ZMYND8: variants seen among roughly 807,000 people sequenced by gnomAD.
The protein encoded by ZMYND8 is zinc finger MYND-type containing 8, also known as MYND-type zinc finger-containing chromatin reader ZMYND8.
Under a neutral mutation model 140.8 loss-of-function variants are expected in ZMYND8, and 37 were observed. The observed-to-expected ratio is 0.26, with a 90% CI of 0.20 to 0.35. The LOEUF is 0.35. ZMYND8 is among the 10% of genes least tolerant of loss of function. The pLI is 1.00. For missense variants in ZMYND8, 1,068 were observed against 1,570.0 expected (o/e 0.68, Z 5.40); for synonymous variants, 592 against 597.1 (o/e 0.99, Z 0.12).
intron 12 of ZMYND8, among the ~76,000 whole-genome samples, chr20:47,252,002 GAAAA>G (rs2074224136): frequency 1.3e-5 from 2 of 151,746 alleles, no homozygotes; most frequent in Non-Finnish European, 2.9e-5. Context: ...AAGAAAGAAA[GAAAA>G]GAGAAATGCC....
At position 47,283,648 on chromosome 20, in the gene ZMYND8, T is replaced by C; in HGVS notation, c.805A>G (p.Met269Val). The stretch of plus-strand genomic sequence containing the variant: ...TCTGGACATACTTCGATTTCATTCA[T>C]CTGTAAAGCAAAAATACATTAGAAT... ...KVVIKICEHE[M>V]NEIEVCPECY... The change falls in exon 9 of 23, where the codon ATG becomes GTG. Residue 269 changes from methionine (M) to valine (V), a missense_variant and splice_region_variant. This residue lies in a region of ZMYND8 where 109 missense variants were observed against 314.9 expected (regional missense o/e 0.35). Coordinates refer to ENST00000471951, the MANE Select transcript of ZMYND8 (RefSeq NM_001281775.3). 1.2e-6 allele frequency: 2 copies of C among 1,613,914 alleles called. No homozygotes were observed. Among genetic ancestry groups the C allele is most frequent in the Non-Finnish European group, 1.7e-6 (2 of 1,179,938 alleles).
At position 47,236,353 on chromosome 20, in the gene ZMYND8, G is replaced by A. The variant is rs149945102; in HGVS notation, c.2829C>T (p.Ala943=). Reference sequence around the variant, plus strand: ...TGCTAGTGTACTTGGCAATATCAGCGGCGACATCAGCTGAGGCAGTGGCGA... The same window carrying A: ...TGCTAGTGTACTTGGCAATATCAGCAGCGACATCAGCTGAGGCAGTGGCGA... ...LPIATASADV[A]ADIAKYTSKM... The change falls in exon 16 of 23, where the codon GCC becomes GCT. Residue 943 remains alanine, a synonymous_variant. Coordinates refer to ENST00000471951, the MANE Select transcript of ZMYND8 (RefSeq NM_001281775.3). 1.5e-5 allele frequency: 24 copies of A among 1,614,152 alleles called. No homozygotes were observed. Among genetic ancestry groups the A allele is most frequent in the Admixed American group, 3.3e-5 (2 of 60,022 alleles).
At chr20:47,288,807 A>G (rs1244361259) in intron 7 of ZMYND8, among the ~76,000 whole-genome samples, 1 of 152,190 alleles carries the variant, frequency 6.6e-6, no homozygotes, top group Non-Finnish European at 1.5e-5. Flanking sequence ...TCTTTCCTTA[A>G]ACACTAGCAA....
intron 10 of ZMYND8, among the ~76,000 whole-genome samples, chr20:47,277,670 T>G (rs1313237295): frequency 6.6e-6 from 1 of 151,548 alleles, no homozygotes; most frequent in Non-Finnish European, 1.5e-5. Flanking sequence ...TTTATTTATT[T>G]ATTTATTTAT....
At chr20:47,264,143 T>C (rs866566353) in intron 11 of ZMYND8, among the ~76,000 whole-genome samples, 1 of 152,026 alleles carries the variant, frequency 6.6e-6, no homozygotes, top group African/African-American at 2.4e-5. Flanking sequence ...AGGGATGGAG[T>C]AGGCATGCAG....
At chr20:47,239,451 C>G (rs2039673458) in intron 14 of ZMYND8, among the ~76,000 whole-genome samples, 1 of 152,228 alleles carries the variant, frequency 6.6e-6, no homozygotes, top group Non-Finnish European at 1.5e-5. Flanking sequence ...CTCCCCTACA[C>G]CTAGTGGACA....
intron 3 of ZMYND8, among the ~76,000 whole-genome samples, chr20:47,301,883 G>C (rs1052156049): frequency 6.6e-6 from 1 of 152,104 alleles, no homozygotes; most frequent in African/African-American, 2.4e-5. Flanking sequence ...GGAGGTAATT[G>C]AATCATGGAA....
At chr20:47,216,662 C>T (rs1388289546) in intron 21 of ZMYND8, among the ~76,000 whole-genome samples, 2 of 148,926 alleles carry the variant, frequency 1.3e-5, no homozygotes, top group Non-Finnish European at 3.0e-5. Context: ...ACAAAATTAG[C>T]TGGGTGTGGT....
intron 1 of ZMYND8, chr20:47,353,916 A>C (rs2083000829): frequency 2.6e-5 from 4 of 152,118 alleles, no homozygotes; most frequent in Admixed American, 2.6e-4. Context: ...AAATTTCCAG[A>C]AGGCCCGTTC....
rs116230765 is a variant in ZMYND8 at position 47,235,018 on chromosome 20, A to T, written c.2856+1308T>A. Among the ~76,000 whole-genome samples, 731 of 152,194 alleles carry T rather than the reference A, an allele frequency of 4.8e-3. 8 individuals carry two copies. Among genetic ancestry groups the T allele is most frequent in the African/African-American group, 0.017 (703 of 41,520 alleles). On this transcript the variant is annotated intron_variant, in intron 16 of 22. Coordinates refer to ENST00000471951, the MANE Select transcript of ZMYND8 (RefSeq NM_001281775.3). Reference sequence around the variant, plus strand: ...ATTCTAGAAACAACCATCCTCAATTATTTTCATCCATTCTAAAAACTAGAA... The same window carrying T: ...ATTCTAGAAACAACCATCCTCAATTTTTTTCATCCATTCTAAAAACTAGAA...
Position 47,220,414 on chromosome 20 carries a change from T to C in ZMYND8, c.3418-90A>G, listed in dbSNP as rs907532920. The C allele has an allele frequency of 9.6e-6, 10 of 1,042,976 alleles. No homozygotes were observed. In the African/African-American group the frequency reaches 1.3e-4, roughly 13 times the overall value. The allele number at this position is 1,042,976 out of a possible 1,614,324, so 64.6% of individuals were successfully genotyped here. A position where few individuals can be genotyped will look rare whatever the true frequency, so the allele number is the denominator to read the frequency against. On this transcript the variant is annotated intron_variant, in intron 20 of 22. Coordinates refer to ENST00000471951, the MANE Select transcript of ZMYND8 (RefSeq NM_001281775.3). ...ATCCAGGGAGTCATGGGGGTGCTCA[T>C]CGCTGCCCCCAAAGCATCTCAGTGT...
At chr20:47,255,609 T>C (rs201392479) in intron 12 of ZMYND8, among the ~76,000 whole-genome samples, 1,854 of 131,208 alleles carry the variant, frequency 0.014, 73 homozygotes, top group African/African-American at 0.051. Context: ...TATATATATA[T>C]ACACACCATA....
intron 20 of ZMYND8, among the ~76,000 whole-genome samples, chr20:47,221,100 G>A (rs953790084): frequency 2.0e-5 from 3 of 152,142 alleles, no homozygotes; most frequent in Admixed American, 2.0e-4. Flanking sequence ...TCTACACTTT[G>A]AGGGTCCCCA....
intron 21 of ZMYND8, among the ~76,000 whole-genome samples, chr20:47,219,985 C>G (rs1455160754): frequency 6.6e-6 from 1 of 152,066 alleles, no homozygotes; most frequent in African/African-American, 2.4e-5. Flanking sequence ...CTACCCTACC[C>G]CAGGTCAGCA....
chr20:47,294,846 T>C (rs1175707783), intron 4 of ZMYND8, 67 bp from the exon 5 acceptor site: 3 of 1,444,130 alleles, frequency 2.1e-6, no homozygotes, highest in Non-Finnish European at 1.9e-6. Flanking sequence ...TGTACTGATT[T>C]CTATTTTTTC....
At position 47,249,578 on chromosome 20, in the gene ZMYND8, A is replaced by G. The variant is rs553145434; in HGVS notation, c.1622-139T>C. On this transcript the variant is annotated intron_variant, in intron 12 of 22. Transcript: ENST00000471951. The stretch of plus-strand genomic sequence containing the variant: ...GATACTTTTTTTGTCATTCATCCCA[A>G]CAATATCATCTGCTCAACCAAATGG... The G allele has an allele frequency of 6.7e-6, 8 of 1,200,052 alleles. No homozygotes were observed. In the African/African-American group the frequency reaches 1.1e-4, roughly 16 times the overall value. The allele number at this position is 1,200,052 out of a possible 1,614,324, so 74.3% of individuals were successfully genotyped here. A position where few individuals can be genotyped will look rare whatever the true frequency, so the allele number is the denominator to read the frequency against.
intron 16 of ZMYND8, among the ~76,000 whole-genome samples, chr20:47,233,877 ACT>A (rs917308148): frequency 1.3e-5 from 2 of 152,130 alleles, no homozygotes; most frequent in African/African-American, 4.8e-5. Flanking sequence ...TGGTAGGCAA[ACT>A]CTAAGTGGGC....
At chr20:47,258,070 G>A (rs1018056169) in intron 12 of ZMYND8, among the ~76,000 whole-genome samples, 1 of 152,182 alleles carries the variant, frequency 6.6e-6, no homozygotes, top group African/African-American at 2.4e-5. Flanking sequence ...AAAACTAGGA[G>A]AGTTCCTGTA....
chr20:47,293,805 A>G (rs993539547), intron 5 of ZMYND8, among the ~76,000 whole-genome samples: 28 of 152,042 alleles, frequency 1.8e-4, no homozygotes, highest in African/African-American at 6.0e-4. Flanking sequence ...CCTCATCTCA[A>G]ATTTTAATCC....
Sources: allele counts gnomAD v4.1 joint callset (sites outside exome capture counted in the v4.1 genomes callset), GRCh38; gene constraint gnomAD v4.1.1; regional missense constraint gnomAD v4.1.1; transcripts MANE v1.5; gene names NCBI Gene and HGNC (gene_info 2026-07-23, HGNC 2026-07-21).